LURAP1L: variants seen among roughly 807,000 people sequenced by gnomAD.
LURAP1L encodes the protein leucine rich adaptor protein 1 like.
Under a neutral mutation model 13.8 loss-of-function variants are expected in LURAP1L, and 12 were observed. The ratio of observed to expected loss-of-function variants is 0.87; its 90% CI spans 0.56 to 1.41. The LOEUF is 1.41. Among genes scored for constraint, LURAP1L ranks in the 40% most tolerant of loss-of-function variants. The pLI is 0.00. For missense variants in LURAP1L, 375 were observed against 292.9 expected, an observed-to-expected ratio of 1.28 and a Z score of -2.04; for synonymous variants, 139 against 119.2, an observed-to-expected ratio of 1.17 and a Z score of -1.08.
At chr9:12,812,870 G>A (rs900627619) in intron 1 of LURAP1L, among the ~76,000 whole-genome samples, 2 of 152,052 alleles carry the variant, frequency 1.3e-5, no homozygotes, top group Non-Finnish European at 2.9e-5. Context: ...TAGATACCTG[G>A]CTTATTCCCT....
chr9:12,821,449 G>A lies in LURAP1L; in HGVS notation c.376G>A (p.Glu126Lys). 1 of 1,614,110 alleles carries A rather than the reference G, an allele frequency of 6.2e-7. No homozygotes were observed. The highest frequency in any genetic ancestry group is 8.5e-7 in the Non-Finnish European group (1 of 1,180,032). The change falls in exon 2 of 2, where the codon GAG (glutamate) becomes AAG (lysine). Residue 126 changes from glutamate (E) to lysine (K), a missense_variant. Transcript: ENST00000319264. ...GTTGCTTGTAATCAATGAGAGCATC[G>A]AGTCCATCAAGTGGATGATCGAAGA... ...RQLLVINESI[E>K]SIKWMIEEKA...
rs1325275898 is a variant in LURAP1L, at chr9:12,821,369, T to C, written c.313-17T>C. On this transcript the variant is annotated splice_polypyrimidine_tract_variant and intron_variant, in intron 1 of 1. Coordinates refer to ENST00000319264, the MANE Select transcript of LURAP1L (RefSeq NM_203403.2). ...TGTAAAATGGCTGGAATATCTTTCT[T>C]CTCTCTTTGTCCATAGGTTAACCTC... 6.9e-6 allele frequency: 11 copies of C among 1,597,558 alleles called. No homozygotes were observed. Among genetic ancestry groups the C allele is most frequent in the Non-Finnish European group, 9.4e-6 (11 of 1,168,454 alleles).
At chr9:12,798,183 G>A (rs1468430739) in intron 1 of LURAP1L, among the ~76,000 whole-genome samples, 3 of 152,090 alleles carry the variant, frequency 2.0e-5, no homozygotes, top group Admixed American at 6.5e-5. Flanking sequence ...GGCAGCATCT[G>A]AGCAAGAATA....
intron 1 of LURAP1L, among the ~76,000 whole-genome samples, chr9:12,787,647 AC>A (rs1819375807): frequency 6.6e-6 from 1 of 152,120 alleles, no homozygotes; most frequent in African/African-American, 2.4e-5. Flanking sequence ...CTCAAAGCAC[AC>A]CATTTCATTT....
At chr9:12,804,486 G>T (rs1219797836) in intron 1 of LURAP1L, among the ~76,000 whole-genome samples, 1 of 151,830 alleles carries the variant, frequency 6.6e-6, no homozygotes, top group African/African-American at 2.4e-5. Flanking sequence ...GGGATTACAG[G>T]TATGCACCAC....
intron 1 of LURAP1L, chr9:12,777,459 T>C: frequency 1.0e-6 from 1 of 985,350 alleles, no homozygotes; most frequent in Non-Finnish European, 1.2e-6. Flanking sequence ...GGACTTAATA[T>C]GAGGGACGAA....
At chr9:12,817,919 G>A (rs1178559125) in intron 1 of LURAP1L, among the ~76,000 whole-genome samples, 1 of 152,130 alleles carries the variant, frequency 6.6e-6, no homozygotes, top group Non-Finnish European at 1.5e-5. Context: ...TCTGTGCCTG[G>A]AGCTCCTGGT....
At chr9:12,819,094 T>C (rs933637117) in intron 1 of LURAP1L, among the ~76,000 whole-genome samples, 8 of 152,236 alleles carry the variant, frequency 5.3e-5, no homozygotes, top group African/African-American at 1.4e-4. Flanking sequence ...CATAAAGTCA[T>C]TGCAAGGTTA....
At chr9:12,819,501 G>C (rs7022588) in intron 1 of LURAP1L, among the ~76,000 whole-genome samples, 1 of 152,026 alleles carries the variant, frequency 6.6e-6, no homozygotes, top group South Asian at 2.1e-4. Flanking sequence ...AGGACAATTC[G>C]CTCTTTTCTT....
rs1288520237 is a variant in LURAP1L at position 12,786,576 on chromosome 9, AT to A, written c.312+10550del. The stretch of plus-strand genomic sequence containing the variant: ...TATATATATATATATATATATATAT[AT>A]ATATAAACCCTTGTGCCTTAAGTCT... On this transcript the variant is annotated intron_variant, in intron 1 of 1. Transcript: ENST00000319264. Among the ~76,000 whole-genome samples, 119 of 130,282 alleles carry A rather than the reference AT, an allele frequency of 9.1e-4. 4 individuals carry two copies. The highest frequency in any genetic ancestry group is 8.5e-3 in the South Asian group (32 of 3,750). 85.5% of individuals were successfully genotyped at this position (130,282 alleles called of 152,430 possible).
chr9:12,797,660 C>G (rs1466099807), intron 1 of LURAP1L, among the ~76,000 whole-genome samples: 1 of 151,876 alleles, frequency 6.6e-6, no homozygotes, highest in Non-Finnish European at 1.5e-5. Flanking sequence ...TTAGGAAAAG[C>G]TTTTGGATTT....
At chr9:12,781,396 C>T (rs1819268276) in intron 1 of LURAP1L, among the ~76,000 whole-genome samples, 2 of 152,176 alleles carry the variant, frequency 1.3e-5, no homozygotes, top group African/African-American at 2.4e-5. Flanking sequence ...CATTCCACTT[C>T]CCCCCAGCTC....
At chr9:12,779,031 A>G (rs918153827) in intron 1 of LURAP1L, among the ~76,000 whole-genome samples, 2 of 152,186 alleles carry the variant, frequency 1.3e-5, no homozygotes, top group Non-Finnish European at 2.9e-5. Flanking sequence ...ATAACTAACA[A>G]TAAAATAAAA....
chr9:12,817,655 A>G (rs1819821873), intron 1 of LURAP1L, among the ~76,000 whole-genome samples: 2 of 152,164 alleles, frequency 1.3e-5, no homozygotes, highest in East Asian at 3.9e-4. Flanking sequence ...GGGACCTTAT[A>G]AGACTCCAAC....
intron 1 of LURAP1L, among the ~76,000 whole-genome samples, chr9:12,784,522 T>C (rs1819322481): frequency 6.6e-6 from 1 of 152,186 alleles, no homozygotes; most frequent in African/African-American, 2.4e-5. Context: ...AGACTCTTGT[T>C]CTCTTACTTT....
intron 1 of LURAP1L, among the ~76,000 whole-genome samples, chr9:12,788,022 G>T (rs1819382052): frequency 2.0e-5 from 3 of 151,948 alleles, no homozygotes; most frequent in South Asian, 4.2e-4. Flanking sequence ...TGAAGCAGGA[G>T]AATTGCATGA....
chr9:12,816,440 G>A (rs1465016014), intron 1 of LURAP1L, among the ~76,000 whole-genome samples: 1 of 152,180 alleles, frequency 6.6e-6, no homozygotes, highest in African/African-American at 2.4e-5. Flanking sequence ...CAAATAGGAA[G>A]ATAGTGGCAG....
chr9:12,790,227 C>A (rs933977428), intron 1 of LURAP1L, among the ~76,000 whole-genome samples: 2 of 152,138 alleles, frequency 1.3e-5, no homozygotes, highest in Non-Finnish European at 2.9e-5. Context: ...AAATTTTAGG[C>A]TCCCTCTCTT....
At chr9:12,785,210 T>A (rs1018890758) in intron 1 of LURAP1L, among the ~76,000 whole-genome samples, 3 of 152,234 alleles carry the variant, frequency 2.0e-5, no homozygotes, top group Middle Eastern at 3.4e-3. Flanking sequence ...TGGTGTTTTA[T>A]TTTACTATGG....
Sources: gnomAD v4.1 joint callset for allele counts (sites outside exome capture counted in the v4.1 genomes callset) on GRCh38, gnomAD v4.1.1 for gene constraint, MANE v1.5 for transcripts, NCBI Gene and HGNC (gene_info 2026-07-23, HGNC 2026-07-21) for gene names.